The following WNT7B variants were observed in gnomAD, a reference collection of about 807,000 sequenced individuals.
WNT7B encodes the protein Wnt family member 7B.
Under a neutral mutation model 38.2 loss-of-function variants are expected in WNT7B, and 19 were observed. The ratio of observed to expected loss-of-function variants is 0.50; its 90% confidence interval spans 0.35 to 0.73. The LOEUF is 0.73. Ranked by LOEUF, WNT7B falls within the 30% of genes least tolerant of loss-of-function variation. The pLI is 0.01. For synonymous variants in WNT7B, 243 were observed against 209.3 expected, an observed-to-expected ratio of 1.16 and a Z score of -1.39; for missense variants, 423 against 507.9, an observed-to-expected ratio of 0.83 and a Z score of 1.61.
intron 3 of WNT7B, chr22:45,927,381 C>T: frequency 6.6e-7 from 1 of 1,507,144 alleles, no homozygotes; most frequent in Non-Finnish European, 8.9e-7. Flanking sequence ...GGCCTCCAGA[C>T]TCTGCCCATC....
intron 2 of WNT7B, among the ~76,000 whole-genome samples, chr22:45,940,194 CCTA>C (rs1931611276): frequency 6.6e-6 from 1 of 152,080 alleles, no homozygotes; most frequent in African/African-American, 2.4e-5. Context: ...ATACCCGTGT[CCTA>C]CTCAATTTAA....
chr22:45,927,097 A>G (rs1330733630), intron 3 of WNT7B: 7 of 984,670 alleles, frequency 7.1e-6, no homozygotes, highest in South Asian at 9.4e-5. Flanking sequence ...CAGATGGACA[A>G]TCTCTTGCCT....
intron 1 of WNT7B, among the ~76,000 whole-genome samples, chr22:45,961,037 C>T (rs1314766170): frequency 6.6e-6 from 1 of 152,254 alleles, no homozygotes; most frequent in African/African-American, 2.4e-5. Flanking sequence ...GGTATCTACT[C>T]ACCCAGAACA....
Position 45,922,714 on chromosome 22 carries a change from G to T in WNT7B, c.*142C>A. 3 of 1,347,456 alleles carry T rather than the reference G, an allele frequency of 2.2e-6. No individual in the cohort carries two copies. The highest frequency in any genetic ancestry group is 1.5e-5 in the African/African-American group (1 of 68,486). 83.5% of individuals were successfully genotyped at this position (1,347,456 alleles called of 1,614,324 possible). A position where few individuals can be genotyped will look rare whatever the true frequency, so the allele number is the denominator to read the frequency against. On this transcript the variant is annotated 3_prime_UTR_variant, in exon 4 of 4. Transcript: ENST00000339464. ...CGGGCAGAGGGCGTGGGCCCCGGCC[G>T]GTGCCCTCCTGCACCTGGAGCTCCC...
intron 3 of WNT7B, chr22:45,925,790 A>G: frequency 1.0e-6 from 1 of 985,248 alleles, no homozygotes; most frequent in East Asian, 1.1e-4. Flanking sequence ...CAGCCGGGAG[A>G]AGTTCACCCC....
chr22:45,928,703 G>GC (rs1367026552), intron 3 of WNT7B, among the ~76,000 whole-genome samples: 3 of 152,018 alleles, frequency 2.0e-5, no homozygotes, highest in Non-Finnish European at 4.4e-5. Context: ...CACCAAGTCA[G>GC]CCCTGGGGTT....
Position 45,922,836 on chromosome 22 carries a change from G to A in WNT7B, c.*20C>T, listed in dbSNP as rs895551467. The A allele has an allele frequency of 6.3e-6, 10 of 1,579,324 alleles. No individual in the cohort carries two copies. Among genetic ancestry groups the A allele is most frequent in the African/African-American group, 5.4e-5 (4 of 74,398 alleles). ...TGCCGCCGGGTTCCAGGGTGCCCGCGGCCGCCTCCGGGCCTGGCCTCACTT... is the reference window on the plus strand; with the variant it reads ...TGCCGCCGGGTTCCAGGGTGCCCGCAGCCGCCTCCGGGCCTGGCCTCACTT... On this transcript the variant is annotated 3_prime_UTR_variant, in exon 4 of 4. Coordinates refer to ENST00000339464, the MANE Select transcript of WNT7B (RefSeq NM_058238.3).
intron 1 of WNT7B, among the ~76,000 whole-genome samples, chr22:45,959,796 C>G (rs1018160469): frequency 6.6e-6 from 1 of 152,124 alleles, no homozygotes. Context: ...GTGGAAGTAG[C>G]CCCCTACCCC....
intron 2 of WNT7B, among the ~76,000 whole-genome samples, chr22:45,932,925 G>T (rs910210823): frequency 2.6e-5 from 4 of 152,224 alleles, no homozygotes; most frequent in African/African-American, 7.2e-5. Flanking sequence ...TGGGGCTGAG[G>T]TGACAGCCCG....
chr22:45,950,848 G>C (rs79166739), intron 1 of WNT7B, among the ~76,000 whole-genome samples: 3,591 of 152,320 alleles, frequency 0.024, 131 homozygotes, highest in African/African-American at 0.082. Context: ...CAGGGTGACT[G>C]GGTGCACGCA....
At chr22:45,956,988 C>T (rs191123935) in intron 1 of WNT7B, among the ~76,000 whole-genome samples, 22 of 152,154 alleles carry the variant, frequency 1.4e-4, no homozygotes, top group African/African-American at 5.3e-4. Context: ...TGCCTGTAGT[C>T]CCAGCTACTC....
chr22:45,954,716 T>C, intron 1 of WNT7B: 1 of 985,426 alleles, frequency 1.0e-6, no homozygotes, highest in Non-Finnish European at 1.2e-6. Context: ...TGGTTGATAA[T>C]TCAGAAACAA....
Position 45,965,298 on chromosome 22 carries a change from T to C in WNT7B, c.71+11386A>G, listed in dbSNP as rs1352998394. On this transcript the variant is annotated intron_variant, in intron 1 of 3. Coordinates refer to ENST00000339464, the MANE Select transcript of WNT7B (RefSeq NM_058238.3). The surrounding 1 kb of genome is among the most constrained non-coding windows in gnomAD (Gnocchi z 6.5). ...CTCATCACAGATGGCTTAGAGCTCC[T>C]GCTGTGGGTCCCACAGGGCTTTGTG... Among the ~76,000 whole-genome samples the C allele has an allele frequency of 3.3e-5, 5 of 152,324 alleles. No individual in the cohort carries two copies. In the East Asian group the frequency reaches 9.7e-4, roughly 29 times the overall value.
At position 45,949,881 on chromosome 22, in the gene WNT7B, C is replaced by T. The variant is rs761357632; in HGVS notation, c.298+39G>A. 1.8e-5 allele frequency: 28 copies of T among 1,582,572 alleles called. No homozygotes were observed. The African/African-American group carries it at 3.8e-4, about 21-fold the overall frequency. ...GGTGGCCTGGCCTACTGCCCCTGGCCACAATGGCTGGGCCCCTTGAGCCCA... is the reference window on the plus strand; with the variant it reads ...GGTGGCCTGGCCTACTGCCCCTGGCTACAATGGCTGGGCCCCTTGAGCCCA... On this transcript the variant is annotated intron_variant, in intron 2 of 3. Transcript: ENST00000339464.
In WNT7B at chr22:45,975,459, G is replaced by T. The variant is rs1487087541; in HGVS notation, c.71+1225C>A. The T allele has an allele frequency of 2.9e-6, 2 of 692,040 alleles. No individual in the cohort carries two copies. The highest frequency in any genetic ancestry group is 3.5e-5 in the African/African-American group (2 of 56,612). The allele number at this position is 692,040 out of a possible 1,614,324, so 42.9% of individuals were successfully genotyped here. A position where few individuals can be genotyped will look rare whatever the true frequency, so the allele number is the denominator to read the frequency against. On this transcript the variant is annotated intron_variant, in intron 1 of 3. Coordinates refer to ENST00000339464, the MANE Select transcript of WNT7B (RefSeq NM_058238.3). The surrounding 1 kb of genome is among the most constrained non-coding windows in gnomAD (Gnocchi z 6.6). ...GCAGACACGCCCGCCCAGACCTGCA[G>T]GGCTCAGGCTAGGACGGGGGCTTCC... is the stretch of plus-strand genomic sequence containing the variant.
chr22:45,926,113 G>T (rs959041216), intron 3 of WNT7B: 1 of 985,466 alleles, frequency 1.0e-6, no homozygotes, highest in Non-Finnish European at 1.2e-6. Context: ...GCCGCTGCTT[G>T]CAGAGCGAGG....
chr22:45,928,329 A>C (rs1459787626), intron 3 of WNT7B, among the ~76,000 whole-genome samples: 1 of 152,122 alleles, frequency 6.6e-6, no homozygotes, highest in Non-Finnish European at 1.5e-5. Flanking sequence ...CCCACCTCCC[A>C]CTGCCGTGAT....
rs1234713865 is a variant in WNT7B at position 45,977,145 on chromosome 22, G to C, written c.-391C>G. 2.1e-6 allele frequency: 1 copy of C among 469,864 alleles called. No individual in the cohort carries two copies. Among genetic ancestry groups the C allele is most frequent in the Admixed American group, 6.4e-5 (1 of 15,604 alleles). 29.1% of individuals were successfully genotyped at this position (469,864 alleles called of 1,614,324 possible). The stretch of plus-strand genomic sequence containing the variant: ...GGCGGCCAATGTGTCCGCACTTGTC[G>C]GCCGCCCCAGGTGACTCGCGGCCCC... On this transcript the variant is annotated 5_prime_UTR_variant, in exon 1 of 4. Coordinates refer to ENST00000339464, the MANE Select transcript of WNT7B (RefSeq NM_058238.3).
At chr22:45,945,906 T>C (rs1795135437) in intron 2 of WNT7B, among the ~76,000 whole-genome samples, 2 of 152,192 alleles carry the variant, frequency 1.3e-5, no homozygotes, top group South Asian at 4.1e-4. Context: ...CACGTGAGCA[T>C]GGATTAGGGG....
Sources: gnomAD v4.1 joint callset for allele counts (sites outside exome capture counted in the v4.1 genomes callset) on GRCh38, gnomAD v4.1.1 for gene constraint, Gnocchi (gnomAD v3.1) non-coding constraint, MANE v1.5 for transcripts, NCBI Gene and HGNC (gene_info 2026-07-23, HGNC 2026-07-21) for gene names.